UBAP2: variants seen among roughly 807,000 people sequenced by gnomAD.
UBAP2 encodes the protein ubiquitin associated protein 2, also known as ubiquitin-associated protein 2.
In UBAP2, 75 loss-of-function variants were observed where a neutral mutation model predicts 139.6. The ratio of observed to expected loss-of-function variants is 0.54; its 90% CI spans 0.45 to 0.65. The LOEUF is 0.65. Ranked by LOEUF, UBAP2 falls within the 30% of genes least tolerant of loss-of-function variation. UBAP2 has a pLI of 0.00. For synonymous variants in UBAP2, 526 were observed against 526.2 expected (o/e 1.00, Z 0.01); for missense variants, 1,368 against 1,369.6 (o/e 1.00, Z 0.02).
Position 33,953,329 on chromosome 9 carries a change from T to C in UBAP2, c.1012A>G (p.Thr338Ala), listed in dbSNP as rs1167060075. The change falls in exon 12 of 29, where the codon ACT becomes GCT. Residue 338 changes from threonine (T) to alanine (A), a missense_variant. Transcript: ENST00000379238. ...GAGTTGACGGCAGTGGAGCTGCCAG[T>C]CCCTGGTGCCATCTGATTGTTGTGT... is the stretch of plus-strand genomic sequence containing the variant. ...SQHNNQMAPG[T>A]GSSTAVNSCS... 2.5e-6 allele frequency: 4 copies of C among 1,614,108 alleles called. No individual in the cohort carries two copies. The highest frequency in any genetic ancestry group is 3.4e-6 in the Non-Finnish European group (4 of 1,180,044).
chr9:34,000,260 G>A (rs1471114047), intron 2 of UBAP2, among the ~76,000 whole-genome samples: 1 of 152,126 alleles, frequency 6.6e-6, no homozygotes, highest in Non-Finnish European at 1.5e-5. Context: ...GACTACAGGT[G>A]CGCACCACCA....
chr9:34,029,163 T>C (rs1316994910), intron 1 of UBAP2, among the ~76,000 whole-genome samples: 1 of 152,068 alleles, frequency 6.6e-6, no homozygotes, highest in Non-Finnish European at 1.5e-5. Context: ...AATTAAACAG[T>C]TATGATAAAG....
rs543754483 is a variant in UBAP2, at chr9:33,965,786, C to T, written c.680-1995G>A. 2.0e-5 allele frequency among the ~76,000 whole-genome samples: 3 copies of T among 152,214 alleles called. No individual in the cohort carries two copies. In the South Asian group the frequency reaches 6.2e-4, roughly 32 times the overall value. On this transcript the variant is annotated intron_variant, in intron 8 of 28. Transcript: ENST00000379238. ...AGTGTGGGCCGGGTGCGGTGGCTCA[C>T]ACCTGTAATCCCAGCACTCTGAGAG... is the stretch of plus-strand genomic sequence containing the variant.
intron 1 of UBAP2, among the ~76,000 whole-genome samples, chr9:34,042,338 C>T (rs1453851722): frequency 1.3e-5 from 2 of 151,732 alleles, no homozygotes; most frequent in East Asian, 1.9e-4. Flanking sequence ...ATTAGCCAGG[C>T]GTGGTGGCGG....
At chr9:33,930,282 A>T (rs1823854994) in intron 19 of UBAP2, among the ~76,000 whole-genome samples, 1 of 152,310 alleles carries the variant, frequency 6.6e-6, no homozygotes, top group East Asian at 1.9e-4. Context: ...TAAAATCATA[A>T]ATGCCTTGCT....
intron 1 of UBAP2, 72 bp downstream of exon 1, chr9:34,048,753 A>C (rs974352336): frequency 1.3e-5 from 2 of 152,240 alleles, no homozygotes; most frequent in African/African-American, 4.8e-5. Context: ...AGCTGAACCC[A>C]GAATTAGAAA....
At chr9:33,966,442 T>G (rs1402757009) in intron 8 of UBAP2, among the ~76,000 whole-genome samples, 1 of 151,706 alleles carries the variant, frequency 6.6e-6, no homozygotes, top group African/African-American at 2.4e-5. Context: ...TGTGACAGAG[T>G]GAGACTCCAT....
chr9:34,011,790 T>G, intron 2 of UBAP2: 1 of 326,174 alleles, frequency 3.1e-6, no homozygotes, highest in Non-Finnish European at 4.4e-6. Flanking sequence ...GAAAAATATC[T>G]TGCCAAGAAA....
In UBAP2 at chr9:33,938,885, C is replaced by G. The variant is rs1396848519; in HGVS notation, c.1929+2764G>C. 2.0e-5 allele frequency: 9 copies of G among 454,852 alleles called. No homozygotes were observed. The Middle Eastern group carries it at 2.9e-3, about 148-fold the overall frequency. 28.2% of individuals were successfully genotyped at this position (454,852 alleles called of 1,614,324 possible). On this transcript the variant is annotated intron_variant, in intron 16 of 28. Coordinates refer to ENST00000379238, the MANE Select transcript of UBAP2 (RefSeq NM_001370062.2). ...GTGCCCATCTGTCAGGATATAGACT[C>G]TAACTTATTTCTGTCAAAGCATCTC...
At chr9:33,945,967 G>A (rs1183367075) in intron 13 of UBAP2, among the ~76,000 whole-genome samples, 1 of 152,028 alleles carries the variant, frequency 6.6e-6, no homozygotes, top group Non-Finnish European at 1.5e-5. Context: ...CCCTTCACAG[G>A]GTAAATATAT....
chr9:33,995,618 T>C (rs1444612510), intron 4 of UBAP2: 2 of 141,634 alleles, frequency 1.4e-5, no homozygotes, highest in African/African-American at 5.2e-5. Flanking sequence ...AATATATATT[T>C]ATAAATAAAT....
intron 3 of UBAP2, 145 bp downstream of exon 3, chr9:33,998,642 C>G: frequency 6.4e-6 from 4 of 623,230 alleles, no homozygotes; most frequent in Admixed American, 3.3e-5. Context: ...TTTTTAATCA[C>G]AAGTCCAAAA....
At chr9:34,009,700 T>A (rs1406497594) in intron 2 of UBAP2, among the ~76,000 whole-genome samples, 1 of 151,672 alleles carries the variant, frequency 6.6e-6, no homozygotes. Context: ...ACTCAAGCAA[T>A]CCTCCCACCT....
intron 1 of UBAP2, among the ~76,000 whole-genome samples, chr9:34,018,904 TA>T (rs1347380389): frequency 1.3e-5 from 2 of 151,638 alleles, no homozygotes; most frequent in Non-Finnish European, 2.9e-5. Flanking sequence ...ATAAATTAAT[TA>T]ATTAAAAAGC....
intron 14 of UBAP2, 26 bp from the exon 15 acceptor site, chr9:33,943,615 G>C (rs1281147233): frequency 3.7e-6 from 6 of 1,612,010 alleles, no homozygotes; most frequent in Admixed American, 3.3e-5. Context: ...TGTCGTGTCA[G>C]GAACAGAGGT....
At chr9:33,950,466 A>C (rs1826006452) in intron 12 of UBAP2, among the ~76,000 whole-genome samples, 1 of 152,266 alleles carries the variant, frequency 6.6e-6, no homozygotes, top group African/African-American at 2.4e-5. Context: ...CAACATTCAA[A>C]GACAAGGAAT....
chr9:34,021,291 G>T (rs1276195166), intron 1 of UBAP2, among the ~76,000 whole-genome samples: 1 of 152,094 alleles, frequency 6.6e-6, no homozygotes, highest in Non-Finnish European at 1.5e-5. Context: ...ACATATTATT[G>T]TACTGCCTTT....
chr9:33,944,765 C>A, intron 13 of UBAP2, 126 bp from the exon 14 acceptor site: 4 of 1,129,736 alleles, frequency 3.5e-6, no homozygotes, highest in East Asian at 5.1e-5. Flanking sequence ...AGGTTTTACA[C>A]ACACTATGTG....
intron 8 of UBAP2, among the ~76,000 whole-genome samples, chr9:33,965,991 A>C (rs1051304783): frequency 1.1e-4 from 16 of 151,160 alleles, no homozygotes; most frequent in African/African-American, 3.9e-4. Context: ...CAGAGCCTGC[A>C]GTGAGCAGAG....
Sources: gnomAD v4.1 joint callset for allele counts (sites outside exome capture counted in the v4.1 genomes callset) on GRCh38, gnomAD v4.1.1 for gene constraint, MANE v1.5 for transcripts, NCBI Gene and HGNC (gene_info 2026-07-23, HGNC 2026-07-21) for gene names.